The following CSDE1 variants were observed in gnomAD, a reference collection of about 807,000 sequenced individuals.
CSDE1 encodes the protein cold shock domain containing E1.
In CSDE1, 17 loss-of-function variants were observed where a neutral mutation model predicts 89.3. The observed-to-expected ratio is 0.19, with a 90% CI of 0.13 to 0.29. CSDE1 has a LOEUF of 0.29. Ranked by LOEUF, CSDE1 falls within the 10% of genes least tolerant of loss-of-function variation. The probability of loss-of-function intolerance (pLI) is 1.00; values close to 1 mark genes in which losing one functional copy is unlikely to be tolerated. For synonymous variants in CSDE1, 322 were observed against 332.8 expected, an observed-to-expected ratio of 0.97 and a Z score of 0.35; for missense variants, 672 against 984.2, an observed-to-expected ratio of 0.68 and a Z score of 4.24.
At position 114,719,754 on chromosome 1, in the gene CSDE1, A is replaced by C; in HGVS notation, c.2053-12T>G. 6.2e-7 allele frequency: 1 copy of C among 1,607,020 alleles called. No individual in the cohort carries two copies. The highest frequency in any genetic ancestry group is 8.5e-7 in the Non-Finnish European group (1 of 1,178,234). On this transcript the variant is annotated splice_polypyrimidine_tract_variant and intron_variant, in intron 17 of 19. Transcript: ENST00000358528. ...TTAATGAAGCCAAACTGAAAAAAAAAAGTAGGTAAAAAAGAGAGGGCATGC... is the reference window on the plus strand; with the variant it reads ...TTAATGAAGCCAAACTGAAAAAAAACAGTAGGTAAAAAAGAGAGGGCATGC...
intron 2 of CSDE1, among the ~76,000 whole-genome samples, chr1:114,740,349 A>G (rs961310321): frequency 6.6e-6 from 1 of 152,222 alleles, no homozygotes; most frequent in East Asian, 1.9e-4. Context: ...ATGCATTTGG[A>G]AGGCATATTT....
At chr1:114,729,317 T>A (rs1659974527) in intron 12 of CSDE1, among the ~76,000 whole-genome samples, 1 of 151,902 alleles carries the variant, frequency 6.6e-6, no homozygotes. Flanking sequence ...GCCAGGATGG[T>A]CTCAATCTCC....
intron 16 of CSDE1, among the ~76,000 whole-genome samples, chr1:114,721,315 G>A (rs1659507813): frequency 3.3e-5 from 5 of 152,148 alleles, no homozygotes; most frequent in Non-Finnish European, 7.3e-5. Context: ...CTGTTGTAGT[G>A]AGAAAGCAAC....
chr1:114,722,036 G>A (rs1487761669), intron 16 of CSDE1, among the ~76,000 whole-genome samples: 1 of 150,968 alleles, frequency 6.6e-6, no homozygotes, highest in Non-Finnish European at 1.5e-5. Flanking sequence ...CACCCACCAT[G>A]ATACCTGGCT....
chr1:114,755,281 A>G (rs1227346221), intron 1 of CSDE1, among the ~76,000 whole-genome samples: 1 of 152,254 alleles, frequency 6.6e-6, no homozygotes, highest in Non-Finnish European at 1.5e-5. Context: ...AATTAGCAAC[A>G]GGAAGTAAAT....
At chr1:114,752,957 G>C (rs909281240) in intron 1 of CSDE1, among the ~76,000 whole-genome samples, 2 of 152,016 alleles carry the variant, frequency 1.3e-5, no homozygotes, top group African/African-American at 4.8e-5. Context: ...ACAACCAAAG[G>C]AAAAAGGTAG....
chr1:114,748,729 C>T (rs1661143821), intron 2 of CSDE1, among the ~76,000 whole-genome samples: 1 of 152,164 alleles, frequency 6.6e-6, no homozygotes, highest in South Asian at 2.1e-4. Flanking sequence ...TTTTTCTCTA[C>T]CTACACCTTA....
intron 1 of CSDE1, among the ~76,000 whole-genome samples, chr1:114,755,601 G>T (rs183874128): frequency 1.3e-5 from 2 of 152,244 alleles, no homozygotes; most frequent in Admixed American, 1.3e-4. Context: ...AATCCTGACT[G>T]GGCAGAAGGG....
chr1:114,728,992 G>T (rs1026158547), intron 12 of CSDE1, among the ~76,000 whole-genome samples: 19 of 152,122 alleles, frequency 1.2e-4, no homozygotes, highest in Middle Eastern at 3.4e-3. Context: ...TTCATCTTTT[G>T]TCTTTCTCCA....
intron 16 of CSDE1, among the ~76,000 whole-genome samples, chr1:114,721,379 CAT>C (rs1206982774): frequency 1.3e-5 from 2 of 152,132 alleles, no homozygotes; most frequent in Non-Finnish European, 2.9e-5. Context: ...AAAAGGCCAC[CAT>C]ATATGCTGAG....
intron 2 of CSDE1, among the ~76,000 whole-genome samples, chr1:114,742,443 A>G (rs530360889): frequency 2.0e-4 from 30 of 152,240 alleles, no homozygotes; most frequent in Non-Finnish European, 3.4e-4. Flanking sequence ...TTAGCCAGGC[A>G]TGGTGGCATG....
chr1:114,721,639 G>A (rs1659527784), intron 16 of CSDE1, among the ~76,000 whole-genome samples: 1 of 152,208 alleles, frequency 6.6e-6, no homozygotes, highest in South Asian at 2.1e-4. Context: ...TACCCAGGCT[G>A]GAGTGCAGTG....
chr1:114,753,920 C>T (rs1661448569), intron 1 of CSDE1, among the ~76,000 whole-genome samples: 1 of 152,066 alleles, frequency 6.6e-6, no homozygotes, highest in Non-Finnish European at 1.5e-5. Context: ...TGACTCAAAA[C>T]AATCGCCCCC....
At chr1:114,751,308 T>C (rs968458847) in intron 1 of CSDE1, among the ~76,000 whole-genome samples, 22 of 152,200 alleles carry the variant, frequency 1.4e-4, no homozygotes, top group Admixed American at 7.9e-4. Flanking sequence ...AAAATGGTGT[T>C]AACGAAAATT....
chr1:114,747,420 C>A (rs777859441), intron 2 of CSDE1, among the ~76,000 whole-genome samples: 4 of 152,100 alleles, frequency 2.6e-5, no homozygotes, highest in Non-Finnish European at 5.9e-5. Flanking sequence ...CATATGTAAA[C>A]ATGTAATTTT....
At position 114,732,694 on chromosome 1, in the gene CSDE1, A is replaced by T. The variant is rs769008442; in HGVS notation, c.960T>A (p.Ile320=). 1 of 1,614,202 alleles carries T rather than the reference A, an allele frequency of 6.2e-7. No homozygotes were observed. The highest frequency in any genetic ancestry group is 8.5e-7 in the Non-Finnish European group (1 of 1,180,022). ...CTAATTTGTCACGTCGGTCTGTTGA[A>T]ATATTAAACCTAACATGGTCACCTT... ...LLEGDHVRFN[I]STDRRDKLER... The change falls in exon 10 of 20, where the codon ATT becomes ATA. Residue 320 remains isoleucine, a synonymous_variant. Coordinates refer to ENST00000358528, the MANE Select transcript of CSDE1 (RefSeq NM_001007553.3).
intron 1 of CSDE1, among the ~76,000 whole-genome samples, chr1:114,751,311 C>T (rs977206368): frequency 2.0e-5 from 3 of 152,026 alleles, no homozygotes; most frequent in East Asian, 1.9e-4. Context: ...ATGGTGTTAA[C>T]GAAAATTATT....
chr1:114,726,048 T>C (rs755035979), intron 14 of CSDE1, among the ~76,000 whole-genome samples, 163 bp downstream of exon 14: 1 of 152,230 alleles, frequency 6.6e-6, no homozygotes, highest in Non-Finnish European at 1.5e-5. Flanking sequence ...GCTCTGTATA[T>C]AGTAAGATCA....
chr1:114,736,611 TA>T, intron 6 of CSDE1, 146 bp downstream of exon 6: 1 of 574,782 alleles, frequency 1.7e-6, no homozygotes, highest in Non-Finnish European at 3.1e-6. Context: ...ACAATATTCA[TA>T]GACCTCAAAG....
Sources: allele counts gnomAD v4.1 joint callset (sites outside exome capture counted in the v4.1 genomes callset), GRCh38; gene constraint gnomAD v4.1.1; transcripts MANE v1.5; gene names NCBI Gene and HGNC (gene_info 2026-07-23, HGNC 2026-07-21).